Variants in FGF6 observed in about 807,000 individuals in gnomAD.
The protein encoded by FGF6 is fibroblast growth factor 6.
In FGF6, 14 loss-of-function variants were observed where a neutral mutation model predicts 18.4. That is an observed-to-expected ratio of 0.76 (90% confidence interval 0.50 to 1.19). FGF6 has a LOEUF of 1.19. Among genes scored for constraint, FGF6 ranks in the 50% most tolerant of loss-of-function variants. The probability of loss-of-function intolerance (pLI) is 0.00; values close to 1 mark genes in which losing one functional copy is unlikely to be tolerated. For missense variants in FGF6, 266 were observed against 271.6 expected (o/e 0.98, Z 0.15); for synonymous variants, 125 against 116.7 (o/e 1.07, Z -0.46).
At chr12:4,440,777 A>G (rs1233751581) in intron 2 of FGF6, among the ~76,000 whole-genome samples, 1 of 152,146 alleles carries the variant, frequency 6.6e-6, no homozygotes, top group African/African-American at 2.4e-5. Context: ...CCCATCTCCC[A>G]GCACTTCCTC....
chr12:4,444,144 A>C lies in FGF6; in HGVS notation c.439T>G (p.Leu147Val), dbSNP rs776856016. 1.4e-5 allele frequency: 23 copies of C among 1,611,502 alleles called. No individual in the cohort carries two copies. Among genetic ancestry groups the C allele is most frequent in the Non-Finnish European group, 2.0e-5 (23 of 1,177,758 alleles). ...CCTGGTGAACTCACCGTTGCGTACAATCTTCCTTTACTGTTCATGGCAACG... is the reference window on the plus strand; with the variant it reads ...CCTGGTGAACTCACCGTTGCGTACACTCTTCCTTTACTGTTCATGGCAACG... ...LFVAMNSKGR[L>V]YATPSFQEEC... The change falls in exon 2 of 3, where the codon TTG becomes GTG. Residue 147 changes from leucine to valine, a missense_variant. Coordinates refer to ENST00000228837, the MANE Select transcript of FGF6 (RefSeq NM_020996.3).
At position 4,445,347 on chromosome 12, in the gene FGF6, T is replaced by G. The variant is rs1284475092; in HGVS notation, c.224A>C (p.Glu75Ala). Residue 75 changes from glutamate (E) to alanine (A), a missense_variant, in exon 1 of 3, where the codon GAA becomes GCA. Glu to Ala is a moderately radical substitution (Grantham distance 107, BLOSUM62 -1). Coordinates refer to ENST00000228837, the MANE Select transcript of FGF6 (RefSeq NM_020996.3). The surrounding 1 kb of genome is among the most constrained non-coding windows in gnomAD (Gnocchi z 5.5). ...CTTGATCCCCACCAAATAGCCACTTTCCCAGTTCACCCCGGCAATCTCTCC... is the reference window on the plus strand; with the variant it reads ...CTTGATCCCCACCAAATAGCCACTTGCCCAGTTCACCCCGGCAATCTCTCC... ...LAGEIAGVNW[E>A]SGYLVGIKRQ... The G allele has an allele frequency of 6.2e-7, 1 of 1,613,958 alleles. No individual in the cohort carries two copies. Among genetic ancestry groups the G allele is most frequent in the South Asian group, 1.1e-5 (1 of 91,066 alleles).
chr12:4,443,386 C>T (rs934685020), intron 2 of FGF6, among the ~76,000 whole-genome samples: 1 of 152,176 alleles, frequency 6.6e-6, no homozygotes, highest in Non-Finnish European at 1.5e-5. Flanking sequence ...TCTTCAGCCT[C>T]ATCGGGATGT....
rs1447145095 is a variant in FGF6 at position 4,445,241 on chromosome 12, G to T, written c.330C>A (p.His110Gln). Residue 110 changes from histidine (H) to glutamine (Q), a missense_variant, in exon 1 of 3, where the codon CAC becomes CAA. Coordinates refer to ENST00000228837, the MANE Select transcript of FGF6 (RefSeq NM_020996.3). This position sits in a 1 kb window ranked among gnomAD's most constrained non-coding sequence, Gnocchi z 5.5. ...GGCACTCACTGTAGGGGTTCTCCTC[G>T]TGGGTCCCGCTGATCCGGCCGTCGG... is the stretch of plus-strand genomic sequence containing the variant. ...VLPDGRISGT[H>Q]EENPYSLLEI... The T allele has an allele frequency of 2.5e-6, 4 of 1,611,412 alleles. No homozygotes were observed. The highest frequency in any genetic ancestry group is 3.4e-6 in the Non-Finnish European group (4 of 1,179,040).
intron 2 of FGF6, among the ~76,000 whole-genome samples, chr12:4,440,556 T>C (rs576050251): frequency 3.3e-5 from 5 of 152,350 alleles, no homozygotes; most frequent in African/African-American, 7.2e-5. Flanking sequence ...TTCCTGTCTT[T>C]AGCTGAAATA....
At chr12:4,438,129 T>C (rs1271512543) in intron 2 of FGF6, among the ~76,000 whole-genome samples, 7 of 152,154 alleles carry the variant, frequency 4.6e-5, no homozygotes, top group African/African-American at 1.7e-4. Context: ...AAAAGAACTA[T>C]CAATGGCATT....
rs1022095255 is a variant in FGF6 at position 4,445,062 on chromosome 12, G to A, written c.346+163C>T. Among the ~76,000 whole-genome samples, 1 of 152,168 alleles carries A rather than the reference G, an allele frequency of 6.6e-6. No homozygotes were observed. Among genetic ancestry groups the A allele is most frequent in the African/African-American group, 2.4e-5 (1 of 41,444 alleles). Reference sequence around the variant, plus strand: ...CAGGATGCTTGGACCGCAGTATATTGAGCTTGCACCCAGGCAGGGTCACGT... The same window carrying A: ...CAGGATGCTTGGACCGCAGTATATTAAGCTTGCACCCAGGCAGGGTCACGT... On this transcript the variant is annotated intron_variant, in intron 1 of 2. Transcript: ENST00000228837. The surrounding 1 kb of genome is among the most constrained non-coding windows in gnomAD (Gnocchi z 5.5).
intron 2 of FGF6, among the ~76,000 whole-genome samples, chr12:4,441,048 T>C (rs1452404293): frequency 6.6e-6 from 1 of 152,290 alleles, no homozygotes; most frequent in Non-Finnish European, 1.5e-5. Flanking sequence ...CGGCTCTTCT[T>C]AGTAAAACTG....
At chr12:4,441,115 C>T (rs1009712753) in intron 2 of FGF6, among the ~76,000 whole-genome samples, 2 of 152,222 alleles carry the variant, frequency 1.3e-5, no homozygotes, top group African/African-American at 2.4e-5. Context: ...ATATATTTTT[C>T]TCAACCAAAG....
Position 4,442,729 on chromosome 12 carries a change from C to T in FGF6, c.450+1404G>A, listed in dbSNP as rs150646487. Among the ~76,000 whole-genome samples, 4 of 152,302 alleles carry T rather than the reference C, an allele frequency of 2.6e-5. No individual in the cohort carries two copies. The East Asian group carries it at 5.8e-4, about 22-fold the overall frequency. On this transcript the variant is annotated intron_variant, in intron 2 of 2. Coordinates refer to ENST00000228837, the MANE Select transcript of FGF6 (RefSeq NM_020996.3). Reference sequence around the variant, plus strand: ...AACCTGGGTTGGTCCCAGGCCTCTTCCTGTCCTCGCCATCACTTTCCCAGA... The same window carrying T: ...AACCTGGGTTGGTCCCAGGCCTCTTTCTGTCCTCGCCATCACTTTCCCAGA...
At chr12:4,443,625 A>C (rs1865717686) in intron 2 of FGF6, among the ~76,000 whole-genome samples, 1 of 152,208 alleles carries the variant, frequency 6.6e-6, no homozygotes. Flanking sequence ...AGCGTACGTG[A>C]TCGGAGACCA....
At chr12:4,440,558 G>A (rs1321096803) in intron 2 of FGF6, among the ~76,000 whole-genome samples, 3 of 152,212 alleles carry the variant, frequency 2.0e-5, no homozygotes, top group Non-Finnish European at 4.4e-5. Flanking sequence ...CCTGTCTTTA[G>A]CTGAAATATC....
At chr12:4,442,553 C>T (rs1865704738) in intron 2 of FGF6, among the ~76,000 whole-genome samples, 1 of 151,760 alleles carries the variant, frequency 6.6e-6, no homozygotes. Flanking sequence ...GATTTACTTG[C>T]TAAAACGTCC....
chr12:4,442,816 A>G (rs1052707319), intron 2 of FGF6, among the ~76,000 whole-genome samples: 6 of 152,222 alleles, frequency 3.9e-5, no homozygotes, highest in Admixed American at 2.6e-4. Context: ...TTTCAGGTTC[A>G]GTGTAACATG....
chr12:4,435,224 G>A (rs1298439088), intron 2 of FGF6, among the ~76,000 whole-genome samples: 1 of 152,096 alleles, frequency 6.6e-6, no homozygotes, highest in Non-Finnish European at 1.5e-5. Flanking sequence ...CAGGAGGTGA[G>A]CGGTGGGTGA....
intron 2 of FGF6, among the ~76,000 whole-genome samples, chr12:4,439,365 G>A (rs1865661503): frequency 6.6e-6 from 1 of 152,158 alleles, no homozygotes; most frequent in South Asian, 2.1e-4. Context: ...CTGGATGGTG[G>A]TTAAGGGAGA....
At chr12:4,436,439 G>A (rs1308075505) in intron 2 of FGF6, among the ~76,000 whole-genome samples, 1 of 150,404 alleles carries the variant, frequency 6.6e-6, no homozygotes, top group African/African-American at 2.5e-5. Flanking sequence ...AGGCAACATA[G>A]CAAGACCTTG....
At chr12:4,443,950 C>G (rs970486092) in intron 2 of FGF6, among the ~76,000 whole-genome samples, 183 bp downstream of exon 2, 56 of 152,320 alleles carry the variant, frequency 3.7e-4, no homozygotes, top group African/African-American at 1.3e-3. Context: ...GGGCAGAGGA[C>G]AATCACCCGT....
Position 4,434,346 on chromosome 12 carries a change from T to C in FGF6, c.496A>G (p.Asn166Asp). 6.2e-7 allele frequency: 1 copy of C among 1,614,192 alleles called. No homozygotes were observed. The highest frequency in any genetic ancestry group is 8.5e-7 in the Non-Finnish European group (1 of 1,180,044). Residue 166 changes from asparagine to aspartate, a missense_variant, in exon 3 of 3, where the codon AAC (asparagine) becomes GAC (aspartate). Coordinates refer to ENST00000228837, the MANE Select transcript of FGF6 (RefSeq NM_020996.3). Reference sequence around the variant, plus strand: ...TCTGACTCGTAGGCATTGTAATTGTTGGGCAGGAGGGTTTCTCTGAACTTG... The same window carrying C: ...TCTGACTCGTAGGCATTGTAATTGTCGGGCAGGAGGGTTTCTCTGAACTTG... ...ECKFRETLLP[N>D]NYNAYESDLY... is the part of the protein sequence containing the mutation.
Sources: allele counts gnomAD v4.1 joint callset (sites outside exome capture counted in the v4.1 genomes callset), GRCh38; gene constraint gnomAD v4.1.1; non-coding constraint Gnocchi (gnomAD v3.1); transcripts MANE v1.5; gene names NCBI Gene and HGNC (gene_info 2026-07-23, HGNC 2026-07-21).